PDS5B: variants seen among roughly 807,000 people sequenced by gnomAD.
PDS5B encodes the protein PDS5 cohesin associated factor B.
PDS5B carries 51 observed loss-of-function variants against 184.1 expected under a neutral mutation model. That is an observed-to-expected ratio of 0.28 (90% CI 0.22 to 0.35). PDS5B has a LOEUF of 0.35. PDS5B is among the 10% of genes least tolerant of loss of function. The probability of loss-of-function intolerance (pLI) is 1.00; values close to 1 mark genes in which losing one functional copy is unlikely to be tolerated. For missense variants in PDS5B, 1,180 were observed against 1,723.3 expected (o/e 0.68, Z 5.58); for synonymous variants, 566 against 569.2 (o/e 0.99, Z 0.08).
At chr13:32,594,802 A>T (rs1050135727) in intron 1 of PDS5B, among the ~76,000 whole-genome samples, 1 of 152,216 alleles carries the variant, frequency 6.6e-6, no homozygotes, top group Non-Finnish European at 1.5e-5. Flanking sequence ...GGGGGACTAA[A>T]TTAGTAAATA....
chr13:32,653,219 G>A (rs1480593636), intron 3 of PDS5B, among the ~76,000 whole-genome samples: 1 of 152,038 alleles, frequency 6.6e-6, no homozygotes, highest in Non-Finnish European at 1.5e-5. Context: ...ACTTGAACCT[G>A]GGAGGTGGGG....
At chr13:32,630,677 C>T (rs1248400305) in intron 1 of PDS5B, among the ~76,000 whole-genome samples, 1 of 152,138 alleles carries the variant, frequency 6.6e-6, no homozygotes, top group Non-Finnish European at 1.5e-5. Flanking sequence ...GAGTATTCTT[C>T]CCTCAGGTAT....
intron 3 of PDS5B, among the ~76,000 whole-genome samples, chr13:32,652,770 A>G (rs1950404609): frequency 6.6e-6 from 1 of 151,836 alleles, no homozygotes; most frequent in Non-Finnish European, 1.5e-5. Flanking sequence ...AAAAAAAAAA[A>G]AAGATTCAGT....
At chr13:32,612,083 C>A (rs750329511) in intron 1 of PDS5B, among the ~76,000 whole-genome samples, 1 of 151,652 alleles carries the variant, frequency 6.6e-6, no homozygotes, top group Admixed American at 6.6e-5. Flanking sequence ...GGCCATCCCT[C>A]AGGAGACTGT....
At chr13:32,706,538 C>T (rs658996) in intron 17 of PDS5B, among the ~76,000 whole-genome samples, 35,074 of 151,908 alleles carry the variant, frequency 0.23, 4,350 homozygotes, top group East Asian at 0.37. Flanking sequence ...TTTGGAAGTG[C>T]TTAATGTTTC....
intron 21 of PDS5B, among the ~76,000 whole-genome samples, chr13:32,736,173 A>G (rs561067206): frequency 6.6e-6 from 1 of 152,130 alleles, no homozygotes; most frequent in Non-Finnish European, 1.5e-5. Flanking sequence ...ACCCAGTTCT[A>G]TTACTGCTGT....
rs1954360594 is a variant in PDS5B at position 32,760,667 on chromosome 13, A to T, written c.3465A>T (p.Val1155=). 1 of 1,613,956 alleles carries T rather than the reference A, an allele frequency of 6.2e-7. No individual in the cohort carries two copies. The highest frequency in any genetic ancestry group is 1.3e-5 in the African/African-American group (1 of 74,936). ...SQTKSSRMET[V]SNASSSSNPS... ...CCAAATCATCACGAATGGAAACTGTAAGCAATGCAAGCAGCAGCTCAAATC... is the reference window on the plus strand; with the variant it reads ...CCAAATCATCACGAATGGAAACTGTTAGCAATGCAAGCAGCAGCTCAAATC... The change falls in exon 30 of 35, where the codon GTA becomes GTT. Residue 1155 remains valine (V), a synonymous_variant. Transcript: ENST00000315596.
chr13:32,596,120 C>G (rs1327697364), intron 1 of PDS5B, among the ~76,000 whole-genome samples: 1 of 152,136 alleles, frequency 6.6e-6, no homozygotes, highest in African/African-American at 2.4e-5. Context: ...TAGCTGTTCA[C>G]TTTGATGAGG....
rs767210937 is a variant in PDS5B, at chr13:32,667,826, T to A, written c.687T>A (p.Ile229=). ...KALLKRTAQA[I]EPYITNFFNQ... ...TACTGAAGAGGACAGCTCAAGCTAT[T>A]GAGCCATATATTACCAATGTAAGTC... Residue 229 remains isoleucine (I), a synonymous_variant, in exon 7 of 35, where the codon ATT becomes ATA. Coordinates refer to ENST00000315596, the MANE Select transcript of PDS5B (RefSeq NM_015032.4). The A allele has an allele frequency of 6.3e-7, 1 of 1,582,034 alleles. No individual in the cohort carries two copies. The highest frequency in any genetic ancestry group is 1.2e-5 in the South Asian group (1 of 85,676).
At chr13:32,665,247 A>G (rs1950752954) in intron 6 of PDS5B, among the ~76,000 whole-genome samples, 1 of 152,208 alleles carries the variant, frequency 6.6e-6, no homozygotes, top group Non-Finnish European at 1.5e-5. Flanking sequence ...TTACAGGTGC[A>G]ATAAAGGTCT....
intron 1 of PDS5B, among the ~76,000 whole-genome samples, chr13:32,587,056 C>T (rs1260067439): frequency 4.1e-5 from 6 of 145,836 alleles, no homozygotes; most frequent in East Asian, 2.1e-4. Flanking sequence ...GGCTGTTTCC[C>T]GGGCGGCAGG....
rs1801738406 is a variant in PDS5B at position 32,732,199 on chromosome 13, A to C, written c.2222A>C (p.Glu741Ala). 6.2e-7 allele frequency: 1 copy of C among 1,609,416 alleles called. No homozygotes were observed. The highest frequency in any genetic ancestry group is 1.3e-5 in the African/African-American group (1 of 74,792). ...HCIHAIFSSK[E>A]TQFAQIFEPL... ...ATCCATGCGATATTTTCTAGTAAAG[A>C]GACCCAGTTTGCACAGATATTTGAG... is the stretch of plus-strand genomic sequence containing the variant. The change falls in exon 20 of 35, where the codon GAG becomes GCG. Residue 741 changes from glutamate to alanine, a missense_variant. Glu to Ala is a moderately radical substitution (Grantham distance 107, BLOSUM62 -1). Transcript: ENST00000315596.
rs1418074051 is a variant in PDS5B at position 32,732,203 on chromosome 13, C to G, written c.2226C>G (p.Thr742=). 1 of 1,606,500 alleles carries G rather than the reference C, an allele frequency of 6.2e-7. No homozygotes were observed. The change falls in exon 20 of 35, where the codon ACC becomes ACG. Residue 742 remains threonine, a synonymous_variant. Coordinates refer to ENST00000315596, the MANE Select transcript of PDS5B (RefSeq NM_015032.4). The stretch of plus-strand genomic sequence containing the variant: ...ATGCGATATTTTCTAGTAAAGAGAC[C>G]CAGTTTGCACAGATATTTGAGGTAA... ...CIHAIFSSKE[T]QFAQIFEPLH... is the part of the protein sequence containing the mutation.
At chr13:32,690,617 CAATA>C (rs1171628382) in intron 13 of PDS5B, 1 of 151,880 alleles carries the variant, frequency 6.6e-6, no homozygotes, top group Non-Finnish European at 1.5e-5. Flanking sequence ...AGAAAAATAA[CAATA>C]AATACACAAA....
At chr13:32,769,652 A>G (rs1566430937) in intron 31 of PDS5B, among the ~76,000 whole-genome samples, 1 of 152,318 alleles carries the variant, frequency 6.6e-6, no homozygotes, top group East Asian at 1.9e-4. Flanking sequence ...TGCAACCTCC[A>G]TTTGTAAAAT....
intron 1 of PDS5B, among the ~76,000 whole-genome samples, chr13:32,626,610 G>GT (rs58328470): frequency 0.015 from 2,217 of 148,264 alleles, 53 homozygotes; most frequent in African/African-American, 0.048. Context: ...CAGTCTTGCT[G>GT]TTTTTTTTTT....
intron 1 of PDS5B, among the ~76,000 whole-genome samples, chr13:32,636,955 T>C (rs914480103): frequency 1.3e-5 from 2 of 152,150 alleles, no homozygotes; most frequent in African/African-American, 2.4e-5. Context: ...AGAAAAAGTT[T>C]ATTGAAGCAG....
At chr13:32,612,121 A>T (rs1223659780) in intron 1 of PDS5B, among the ~76,000 whole-genome samples, 1 of 151,684 alleles carries the variant, frequency 6.6e-6, no homozygotes, top group Non-Finnish European at 1.5e-5. Flanking sequence ...TAACTGGTGT[A>T]ATTTCTCAGG....
intron 11 of PDS5B, among the ~76,000 whole-genome samples, chr13:32,684,746 T>C (rs1951338599): frequency 6.6e-6 from 1 of 152,218 alleles, no homozygotes; most frequent in African/African-American, 2.4e-5. Context: ...TTGACTTATT[T>C]AAGTGCTAAT....
Sources: gnomAD v4.1 joint callset for allele counts (sites outside exome capture counted in the v4.1 genomes callset) on GRCh38, gnomAD v4.1.1 for gene constraint, MANE v1.5 for transcripts, NCBI Gene and HGNC (gene_info 2026-07-23, HGNC 2026-07-21) for gene names.